Variants in NIM1K observed in about 807,000 individuals in gnomAD.
The protein encoded by NIM1K is NIM1 serine/threonine protein kinase, also known as serine/threonine-protein kinase NIM1.
NIM1K carries 35 observed loss-of-function variants against 37.1 expected under a neutral mutation model. The ratio of observed to expected loss-of-function variants is 0.94; its 90% CI spans 0.72 to 1.25. The LOEUF (loss-of-function observed/expected upper bound fraction) is 1.25. Among genes scored for constraint, NIM1K ranks in the 50% most tolerant of loss-of-function variants. The pLI, the probability that NIM1K is intolerant of heterozygous loss-of-function variation, is 0.00. For synonymous variants in NIM1K, 234 were observed against 206.6 expected (o/e 1.13, Z -1.14); for missense variants, 564 against 548.0 (o/e 1.03, Z -0.29).
chr5:43,254,530 T>C (rs1232728946), intron 2 of NIM1K, among the ~76,000 whole-genome samples: 3 of 152,224 alleles, frequency 2.0e-5, no homozygotes, highest in African/African-American at 4.8e-5. Flanking sequence ...TTATAAATAA[T>C]AAACACTCGA....
At chr5:43,216,009 G>A (rs763860031) in intron 1 of NIM1K, among the ~76,000 whole-genome samples, 8 of 151,328 alleles carry the variant, frequency 5.3e-5, no homozygotes, top group African/African-American at 1.5e-4. Flanking sequence ...GCACTCCCCG[G>A]AGGCTTTTCT....
chr5:43,230,438 A>G (rs1216921101), intron 1 of NIM1K, among the ~76,000 whole-genome samples: 1 of 152,098 alleles, frequency 6.6e-6, no homozygotes, highest in African/African-American at 2.4e-5. Flanking sequence ...TTGTGCTCAC[A>G]GCCCATGACT....
chr5:43,272,669 C>T (rs546034091), intron 2 of NIM1K, among the ~76,000 whole-genome samples: 1 of 152,306 alleles, frequency 6.6e-6, no homozygotes, highest in East Asian at 1.9e-4. Flanking sequence ...CTGCTCCCTT[C>T]CCTTTGTCCC....
intron 1 of NIM1K, among the ~76,000 whole-genome samples, chr5:43,201,253 C>CA (rs1342816819): frequency 6.6e-6 from 1 of 151,820 alleles, no homozygotes; most frequent in Admixed American, 6.6e-5. Context: ...ACTAAAACTA[C>CA]AAAAAATTAG....
intron 1 of NIM1K, chr5:43,207,542 C>T: frequency 1.4e-6 from 1 of 698,884 alleles, no homozygotes; most frequent in Non-Finnish European, 2.7e-6. Context: ...CTCCATGTCT[C>T]CAGAAGAAGA....
At chr5:43,246,538 G>A (rs748651820) in intron 2 of NIM1K, among the ~76,000 whole-genome samples, 8 of 151,550 alleles carry the variant, frequency 5.3e-5, no homozygotes, top group Non-Finnish European at 8.9e-5. Context: ...GGCACAGTGC[G>A]GCACAGGAGA....
At chr5:43,265,333 T>C (rs1753126388) in intron 2 of NIM1K, among the ~76,000 whole-genome samples, 1 of 152,236 alleles carries the variant, frequency 6.6e-6, no homozygotes, top group Non-Finnish European at 1.5e-5. Context: ...CTCTTTTTTC[T>C]CTAAAATTCT....
intron 2 of NIM1K, among the ~76,000 whole-genome samples, chr5:43,265,847 CA>C (rs1297566153): frequency 2.6e-5 from 4 of 152,362 alleles, no homozygotes; most frequent in African/African-American, 9.6e-5. Flanking sequence ...TTCTAACAGA[CA>C]GGACCCTCAG....
In NIM1K at chr5:43,280,625, G is replaced by A. The variant is rs780674386; in HGVS notation, c.1207G>A (p.Val403Ile). Reference protein sequence around the residue: ...RVQRKKALESVPVMMLPDPKE... With the variant: ...RVQRKKALESIPVMMLPDPKE... Reference sequence around the variant, plus strand: ...CCAAAGGAAGAAGGCTTTGGAAAGTGTCCCAGTCATGATGCTACCAGACCC... The same window carrying A: ...CCAAAGGAAGAAGGCTTTGGAAAGTATCCCAGTCATGATGCTACCAGACCC... Residue 403 changes from valine to isoleucine, a missense_variant, in exon 4 of 4, where the codon GTC becomes ATC. Transcript: ENST00000326035. 2 of 1,614,106 alleles carry A rather than the reference G, an allele frequency of 1.2e-6. No individual in the cohort carries two copies. Among genetic ancestry groups the A allele is most frequent in the South Asian group, 1.1e-5 (1 of 91,076 alleles).
At chr5:43,193,982 G>GT (rs944827908) in intron 1 of NIM1K, among the ~76,000 whole-genome samples, 8 of 152,046 alleles carry the variant, frequency 5.3e-5, no homozygotes, top group Middle Eastern at 3.4e-3. Flanking sequence ...GCATGTTGTT[G>GT]TTTTTTTTAT....
At chr5:43,240,496 A>G (rs1561083776) in intron 1 of NIM1K, 2 of 151,502 alleles carry the variant, frequency 1.3e-5, no homozygotes, top group South Asian at 4.2e-4. Context: ...TCCCTTCACC[A>G]GATGCAATAA....
chr5:43,230,473 A>T (rs1752521810), intron 1 of NIM1K, among the ~76,000 whole-genome samples: 1 of 152,242 alleles, frequency 6.6e-6, no homozygotes, highest in South Asian at 2.1e-4. Context: ...TGGCCAAACT[A>T]AACTATAGCC....
At chr5:43,223,125 CGA>C (rs1186602295) in intron 1 of NIM1K, among the ~76,000 whole-genome samples, 12 of 115,814 alleles carry the variant, frequency 1.0e-4, no homozygotes, top group African/African-American at 3.5e-4. Context: ...GGCAACAGAG[CGA>C]GACTCCATCT....
chr5:43,241,609 A>T (rs1307236603), intron 1 of NIM1K, among the ~76,000 whole-genome samples: 1 of 151,988 alleles, frequency 6.6e-6, no homozygotes, highest in Non-Finnish European at 1.5e-5. Flanking sequence ...AAGTGCTGGG[A>T]TTACAGGAGT....
intron 1 of NIM1K, among the ~76,000 whole-genome samples, chr5:43,244,712 A>G (rs1278841260): frequency 6.6e-6 from 1 of 152,234 alleles, no homozygotes; most frequent in Non-Finnish European, 1.5e-5. Context: ...ATTTGAATAA[A>G]TATGAGAAAT....
rs201716824 is a variant in NIM1K, at chr5:43,280,293, C to T, written c.875C>T (p.Pro292Leu). ...SILEGTYSVP[P>L]HVSEPCHRLI... ...CTCGAGGGCACATACAGTGTACCGC[C>T]GCACGTGTCAGAGCCCTGCCACCGA... The change falls in exon 4 of 4, where the codon CCG becomes CTG. Residue 292 changes from proline (P) to leucine (L), a missense_variant. By Grantham distance (98) the Pro-to-Leu change is moderately conservative. Transcript: ENST00000326035. 9.9e-6 allele frequency: 16 copies of T among 1,614,104 alleles called. No homozygotes were observed. The highest frequency in any genetic ancestry group is 5.5e-5 in the South Asian group (5 of 91,072).
intron 2 of NIM1K, among the ~76,000 whole-genome samples, chr5:43,276,132 A>T (rs544494555): frequency 1.0e-3 from 155 of 152,222 alleles, no homozygotes; most frequent in African/African-American, 3.2e-3. Context: ...CAACCTCGTG[A>T]TCCTCCCGCC....
chr5:43,277,811 TGTGTGAGAGA>T (rs1420025257), intron 3 of NIM1K, among the ~76,000 whole-genome samples: 4 of 146,902 alleles, frequency 2.7e-5, no homozygotes. Context: ...TGTGTGTGTG[TGTGTGAGAGA>T]GAGAGAGAGA....
At chr5:43,249,313 C>G (rs184967307) in intron 2 of NIM1K, among the ~76,000 whole-genome samples, 1 of 152,146 alleles carries the variant, frequency 6.6e-6, no homozygotes, top group Non-Finnish European at 1.5e-5. Context: ...TCGTGATCCG[C>G]TACCTCGGCC....
Sources: gnomAD v4.1 joint callset for allele counts (sites outside exome capture counted in the v4.1 genomes callset) on GRCh38, gnomAD v4.1.1 for gene constraint, MANE v1.5 for transcripts, NCBI Gene and HGNC (gene_info 2026-07-23, HGNC 2026-07-21) for gene names.